Variants in PLPP1 observed in about 807,000 individuals in gnomAD.
The protein encoded by PLPP1 is lipid phosphate phosphohydrolase 1a.
In PLPP1, 24 loss-of-function variants were observed where a neutral mutation model predicts 31.2. That is an observed-to-expected ratio of 0.77 (90% CI 0.56 to 1.08). The LOEUF is 1.08. Ranked by LOEUF, PLPP1 falls within the 50% of genes least tolerant of loss-of-function variation. The probability of loss-of-function intolerance (pLI) is 0.00; values close to 1 mark genes in which losing one functional copy is unlikely to be tolerated. For synonymous variants in PLPP1, 146 were observed against 126.3 expected, an observed-to-expected ratio of 1.16 and a Z score of -1.05; for missense variants, 319 against 342.7, an observed-to-expected ratio of 0.93 and a Z score of 0.55.
intron 1 of PLPP1, among the ~76,000 whole-genome samples, chr5:55,492,167 AACTC>A (rs1752908325): frequency 6.6e-6 from 1 of 152,138 alleles, no homozygotes; most frequent in Non-Finnish European, 1.5e-5. Flanking sequence ...GTTTTATACA[AACTC>A]ACTCACTATA....
chr5:55,530,392 T>G (rs113095535), intron 1 of PLPP1: 1 of 1,296,338 alleles, frequency 7.7e-7, no homozygotes, highest in African/African-American at 1.5e-5. Flanking sequence ...CGCTCTCTGG[T>G]AAAATTTGAT....
chr5:55,425,298 A>T lies in PLPP1; in HGVS notation c.763T>A (p.Ser255Thr), dbSNP rs1281676678. The change falls in exon 6 of 6, where the codon TCT (serine) becomes ACT (threonine). Residue 255 changes from serine (S) to threonine (T), a missense_variant. Ser to Thr is a moderately conservative substitution (Grantham distance 58, BLOSUM62 1). Coordinates refer to ENST00000307259, the MANE Select transcript of PLPP1 (RefSeq NM_003711.4). ...YVSDFFKERT[S>T]FKERKEEDSH... The stretch of plus-strand genomic sequence containing the variant: ...TCCTCCTCTTTTCTTTCTTTAAAAG[A>T]AGTTCTTTCTTTGAAGAAATCCGAT... 6.2e-7 allele frequency: 1 copy of T among 1,609,798 alleles called. No individual in the cohort carries two copies. The highest frequency in any genetic ancestry group is 1.1e-5 in the South Asian group (1 of 90,876).
At position 55,425,339 on chromosome 5, in the gene PLPP1, A is replaced by G. The variant is rs1470699341; in HGVS notation, c.727-5T>C. 3.1e-6 allele frequency: 5 copies of G among 1,589,060 alleles called. No homozygotes were observed. The highest frequency in any genetic ancestry group is 4.3e-6 in the Non-Finnish European group (5 of 1,163,354). ...GAAATCCGATACATATACAGCCTAC[A>G]GTGCAAAATATTTAATGGTATAATT... On this transcript the variant is annotated splice_region_variant and splice_polypyrimidine_tract_variant and intron_variant, in intron 5 of 5. Coordinates refer to ENST00000307259, the MANE Select transcript of PLPP1 (RefSeq NM_003711.4).
chr5:55,437,523 C>T (rs1295282639), intron 4 of PLPP1, among the ~76,000 whole-genome samples: 1 of 147,680 alleles, frequency 6.8e-6, no homozygotes, highest in African/African-American at 2.5e-5. Flanking sequence ...TGACCTTTCA[C>T]TGAAAAAAAA....
chr5:55,458,101 G>C (rs1319094798), intron 3 of PLPP1, among the ~76,000 whole-genome samples: 1 of 152,154 alleles, frequency 6.6e-6, no homozygotes, highest in East Asian at 1.9e-4. Flanking sequence ...CCCTGATACT[G>C]AAGTCCCACT....
chr5:55,489,185 C>G (rs1016725224), intron 1 of PLPP1, among the ~76,000 whole-genome samples: 1 of 152,034 alleles, frequency 6.6e-6, no homozygotes, highest in Admixed American at 6.6e-5. Context: ...GCGACAAGAG[C>G]AAAACTCCAT....
rs1751172796 is a variant in PLPP1, at chr5:55,425,852, T to C, written c.726+11A>G. 2 of 1,585,332 alleles carry C rather than the reference T, an allele frequency of 1.3e-6. No individual in the cohort carries two copies. The highest frequency in any genetic ancestry group is 3.8e-5 in the Admixed American group (2 of 53,114). On this transcript the variant is annotated intron_variant, in intron 5 of 5. Coordinates refer to ENST00000307259, the MANE Select transcript of PLPP1 (RefSeq NM_003711.4). ...AATATCAAGATGTAGGCTGTTGACC[T>C]GTATACTTACAACTAATATTGCAAC...
chr5:55,440,596 T>A (rs1751600246), intron 4 of PLPP1, among the ~76,000 whole-genome samples: 1 of 151,682 alleles, frequency 6.6e-6, no homozygotes, highest in Non-Finnish European at 1.5e-5. Context: ...AATCATACTC[T>A]GTGCTTCTTC....
chr5:55,533,473 C>T (rs1740754708), intron 1 of PLPP1, among the ~76,000 whole-genome samples: 1 of 151,642 alleles, frequency 6.6e-6, no homozygotes, highest in Admixed American at 6.6e-5. Flanking sequence ...CACAAGATTG[C>T]AAGGGCCTAA....
At chr5:55,501,257 G>A (rs1031429756) in intron 1 of PLPP1, among the ~76,000 whole-genome samples, 2 of 152,026 alleles carry the variant, frequency 1.3e-5, no homozygotes, top group South Asian at 4.1e-4. Context: ...AGGTTGCAGT[G>A]AGCTGAGATC....
chr5:55,516,881 C>T (rs1315371465), intron 1 of PLPP1, among the ~76,000 whole-genome samples: 3 of 152,220 alleles, frequency 2.0e-5, no homozygotes, highest in Non-Finnish European at 4.4e-5. Context: ...AACACTGTTT[C>T]CCTGTTATTT....
chr5:55,481,587 T>C (rs1405503903), intron 1 of PLPP1, among the ~76,000 whole-genome samples: 3 of 152,010 alleles, frequency 2.0e-5, no homozygotes, highest in Non-Finnish European at 4.4e-5. Context: ...CCTCAATAGT[T>C]TGGAAGAAAA....
chr5:55,440,357 A>G (rs971617898), intron 4 of PLPP1, among the ~76,000 whole-genome samples: 9 of 152,186 alleles, frequency 5.9e-5, no homozygotes, highest in African/African-American at 2.2e-4. Flanking sequence ...GGCTCTAGCT[A>G]TTGCTCAGCC....
At chr5:55,426,453 G>A (rs1406446062) in intron 4 of PLPP1, among the ~76,000 whole-genome samples, 1 of 152,100 alleles carries the variant, frequency 6.6e-6, no homozygotes, top group East Asian at 1.9e-4. Flanking sequence ...AGACTGGAGT[G>A]CAGTGGTGGT....
chr5:55,524,658 AAATT>A (rs1753742744), intron 1 of PLPP1, among the ~76,000 whole-genome samples: 1 of 151,996 alleles, frequency 6.6e-6, no homozygotes, highest in African/African-American at 2.4e-5. Context: ...AAAAATACAA[AAATT>A]AGCCCGACGT....
chr5:55,514,836 A>G (rs1753522104), intron 1 of PLPP1, among the ~76,000 whole-genome samples: 1 of 152,226 alleles, frequency 6.6e-6, no homozygotes, highest in Non-Finnish European at 1.5e-5. Flanking sequence ...AAGATGAAGA[A>G]GGAAGGATTC....
At chr5:55,454,771 TTTA>T (rs1751969136) in intron 3 of PLPP1, among the ~76,000 whole-genome samples, 1 of 146,720 alleles carries the variant, frequency 6.8e-6, no homozygotes, top group Non-Finnish European at 1.5e-5. Flanking sequence ...AGGTATATGA[TTTA>T]AAAAGCTGTC....
At chr5:55,428,987 A>G (rs1751277199) in intron 4 of PLPP1, among the ~76,000 whole-genome samples, 1 of 152,088 alleles carries the variant, frequency 6.6e-6, no homozygotes, top group Non-Finnish European at 1.5e-5. Context: ...TATTTGGACC[A>G]CATAGCCCTG....
In PLPP1 at chr5:55,425,158, T is replaced by C. The variant is rs1751140167; in HGVS notation, c.*48A>G. 5 of 1,581,454 alleles carry C rather than the reference T, an allele frequency of 3.2e-6. No individual in the cohort carries two copies. Among genetic ancestry groups the C allele is most frequent in the African/African-American group, 1.4e-5 (1 of 73,102 alleles). On this transcript the variant is annotated 3_prime_UTR_variant, in exon 6 of 6. Coordinates refer to ENST00000307259, the MANE Select transcript of PLPP1 (RefSeq NM_003711.4). ...GCATCCTCTTGCCTTGTGGCAATCA[T>C]TTTCCTTTAGAAAACAGGCCAGCTT...
Sources: allele counts gnomAD v4.1 joint callset (sites outside exome capture counted in the v4.1 genomes callset), GRCh38; gene constraint gnomAD v4.1.1; transcripts MANE v1.5; gene names NCBI Gene and HGNC (gene_info 2026-07-23, HGNC 2026-07-21).